The following HOXA3 variants were observed in gnomAD, a reference collection of about 807,000 sequenced individuals.
The protein encoded by HOXA3 is homeobox A3, also known as homeobox protein Hox-A3.
A neutral mutation model predicts 30.3 loss-of-function variants in HOXA3; 8 were observed. That is an observed-to-expected ratio of 0.26 (90% CI 0.15 to 0.48). The LOEUF is 0.48. HOXA3 is among the 20% of genes least tolerant of loss of function. The pLI is 0.99. For missense variants in HOXA3, 653 were observed against 614.4 expected (o/e 1.06, Z -0.66); for synonymous variants, 323 against 273.1 (o/e 1.18, Z -1.80).
At chr7:27,148,241 A>C (rs981210941) in intron 1 of HOXA3, among the ~76,000 whole-genome samples, 7 of 152,276 alleles carry the variant, frequency 4.6e-5, no homozygotes, top group Non-Finnish European at 1.0e-4. Flanking sequence ...GGCAGTGACA[A>C]AGGTGGCTTT....
intron 4 of HOXA3, among the ~76,000 whole-genome samples, chr7:27,120,029 C>T (rs759278543): frequency 2.0e-5 from 3 of 152,074 alleles, no homozygotes; most frequent in African/African-American, 4.8e-5. Flanking sequence ...AAAGCGTTCT[C>T]CTGACCCCCA....
At chr7:27,131,088 C>T (rs1785544990) in intron 2 of HOXA3, among the ~76,000 whole-genome samples, 1 of 152,092 alleles carries the variant, frequency 6.6e-6, no homozygotes, top group Non-Finnish European at 1.5e-5. Flanking sequence ...AGCCCCCCAG[C>T]TTTGGTTCCC....
In HOXA3 at chr7:27,152,268, C is replaced by T. The variant is rs1405569819; in HGVS notation, c.-494+20G>A. 2 of 1,277,484 alleles carry T rather than the reference C, an allele frequency of 1.6e-6. No homozygotes were observed. The highest frequency in any genetic ancestry group is 2.5e-5 in the South Asian group (2 of 79,898). The allele number at this position is 1,277,484 out of a possible 1,614,324, so 79.1% of individuals were successfully genotyped here. ...GTCGCCTCACCACCTTTGCTCCTATCTCCTCCCCACATGTCTCACCTTCAG... is the reference window on the plus strand; with the variant it reads ...GTCGCCTCACCACCTTTGCTCCTATTTCCTCCCCACATGTCTCACCTTCAG... On this transcript the variant is annotated intron_variant, in intron 1 of 5. Coordinates refer to ENST00000612286, the MANE Select transcript of HOXA3 (RefSeq NM_153631.3).
intron 3 of HOXA3, among the ~76,000 whole-genome samples, chr7:27,125,412 C>T (rs1306246059): frequency 1.3e-5 from 2 of 152,200 alleles, no homozygotes. Context: ...GGGGTTGCCC[C>T]GTGATTTTGG....
At chr7:27,111,899 G>A (rs1784400232) in intron 4 of HOXA3, among the ~76,000 whole-genome samples, 1 of 152,160 alleles carries the variant, frequency 6.6e-6, no homozygotes, top group Non-Finnish European at 1.5e-5. Context: ...GGCTCCCGAC[G>A]AGGGATGGAA....
intron 2 of HOXA3, chr7:27,130,737 T>G: frequency 3.1e-6 from 5 of 1,603,486 alleles, no homozygotes; most frequent in Non-Finnish European, 4.3e-6. Flanking sequence ...TGGTCATTAA[T>G]TTGTGAAGTG....
At chr7:27,130,172 T>C in intron 2 of HOXA3, 1 of 1,597,014 alleles carries the variant, frequency 6.3e-7, no homozygotes, top group Non-Finnish European at 8.5e-7. Flanking sequence ...TCCTTGCCCT[T>C]CAGGCCCAGC....
intron 4 of HOXA3, chr7:27,116,358 G>A (rs1032217490): frequency 6.5e-6 from 1 of 152,690 alleles, no homozygotes; most frequent in Non-Finnish European, 1.5e-5. Flanking sequence ...GGAATATCGT[G>A]GGTAAGAAGA....
At chr7:27,129,092 A>T in intron 2 of HOXA3, 7 of 723,340 alleles carry the variant, frequency 9.7e-6, no homozygotes, top group Admixed American at 7.9e-5. Context: ...CTTTTTGATT[A>T]TTCTTTTCAC....
chr7:27,151,682 G>GT (rs752263842), intron 1 of HOXA3: 7 of 456,704 alleles, frequency 1.5e-5, no homozygotes, highest in South Asian at 1.1e-4. Flanking sequence ...GGCTGAATTA[G>GT]TAAGTTTTTC....
At chr7:27,111,485 C>CGTGCGTGTGT in intron 4 of HOXA3, among the ~76,000 whole-genome samples, 1 of 148,894 alleles carries the variant, frequency 6.7e-6, no homozygotes, top group African/African-American at 2.5e-5. Context: ...GAACACATTG[C>CGTGCGTGTGT]GTGTGTGTGT....
rs767961586 is a variant in HOXA3, at chr7:27,108,467, C to A, written c.780G>T (p.Gly260=). Residue 260 remains glycine (G), a synonymous_variant, in exon 6 of 6, where the codon GGG becomes GGT. Transcript: ENST00000612286. The surrounding 1 kb of genome is among the most constrained non-coding windows in gnomAD (Gnocchi z 5.0). ...QKGKGMLTSS[G]GQSPSRSPVP... ...CGGGGCTGCGACTTGGAGACTGGCCCCCCGATGACGTTAGCATGCCCTTGC... is the reference window on the plus strand; with the variant it reads ...CGGGGCTGCGACTTGGAGACTGGCCACCCGATGACGTTAGCATGCCCTTGC... 6.2e-7 allele frequency: 1 copy of A among 1,614,106 alleles called. No homozygotes were observed.
chr7:27,129,106 T>G, intron 2 of HOXA3: 1 of 743,200 alleles, frequency 1.3e-6, no homozygotes, highest in Non-Finnish European at 2.4e-6. Flanking sequence ...TTTTCACCAA[T>G]TTGGGTTTGT....
At chr7:27,143,105 G>C (rs746416761) in intron 1 of HOXA3, 5 of 1,570,298 alleles carry the variant, frequency 3.2e-6, no homozygotes, top group Non-Finnish European at 4.3e-6. Context: ...GGGCGGCGCC[G>C]GGCTCGGCTC....
At chr7:27,149,351 A>G (rs1782889302) in intron 1 of HOXA3, among the ~76,000 whole-genome samples, 1 of 152,234 alleles carries the variant, frequency 6.6e-6, no homozygotes, top group Non-Finnish European at 1.5e-5. Context: ...CAAGATCTGT[A>G]AAACCCTGGC....
At chr7:27,141,718 G>A in intron 1 of HOXA3, 2 of 1,296,646 alleles carry the variant, frequency 1.5e-6, no homozygotes, top group Non-Finnish European at 2.1e-6. Context: ...ATGAATTAGG[G>A]CAACGAGAAC....
chr7:27,114,091 G>C (rs944526405), intron 4 of HOXA3: 9 of 151,858 alleles, frequency 5.9e-5, no homozygotes, highest in African/African-American at 2.2e-4. Flanking sequence ...AGGCGGCTGG[G>C]GAAGCGCGGG....
In HOXA3 at chr7:27,108,325, G is replaced by A. The variant is rs1441693252; in HGVS notation, c.922C>T (p.Pro308Ser). Residue 308 changes from proline (P) to serine (S), a missense_variant, in exon 6 of 6, where the codon CCC becomes TCC. Pro to Ser is a moderately conservative substitution (Grantham distance 74). Transcript: ENST00000612286. The surrounding 1 kb of genome is among the most constrained non-coding windows in gnomAD (Gnocchi z 5.0). Reference protein sequence around the residue: ...SKPPQGTYGLPPASYPASLPS... With the variant: ...SKPPQGTYGLSPASYPASLPS... ...AGGGACGCAGGGTAGGAGGCGGGGG[G>A]CAGCCCGTAGGTACCCTGGGGGGGC... 6 of 1,508,732 alleles carry A rather than the reference G, an allele frequency of 4.0e-6. No homozygotes were observed. The highest frequency in any genetic ancestry group is 1.9e-5 in the Admixed American group (1 of 52,308). 93.5% of individuals were successfully genotyped at this position (1,508,732 alleles called of 1,614,324 possible).
rs767036407 is a variant in HOXA3 at position 27,110,497 on chromosome 7, G to T, written c.144C>A (p.Pro48=). ...TGGAGGGAGACTGGAGGGAGCAGGC[G>T]GGTCGGTGGTACTCGCCGTCGGCGC... ...ALGADGEYHR[P]ACSLQSPSSA... is the part of the protein sequence containing the mutation. The change falls in exon 5 of 6, where the codon CCC becomes CCA. Residue 48 remains proline (P), a synonymous_variant. Transcript: ENST00000612286. 2.5e-6 allele frequency: 4 copies of T among 1,604,564 alleles called. No homozygotes were observed. The African/African-American group carries it at 4.0e-5, about 16-fold the overall frequency.
Sources: gnomAD v4.1 joint callset for allele counts (sites outside exome capture counted in the v4.1 genomes callset) on GRCh38, gnomAD v4.1.1 for gene constraint, Gnocchi (gnomAD v3.1) non-coding constraint, MANE v1.5 for transcripts, NCBI Gene and HGNC (gene_info 2026-07-23, HGNC 2026-07-21) for gene names.